The following VANGL2 variants were observed in gnomAD, a reference collection of about 807,000 sequenced individuals.
VANGL2 encodes the protein VANGL planar cell polarity protein 2.
VANGL2 carries 14 observed loss-of-function variants against 50.2 expected under a neutral mutation model. The ratio of observed to expected loss-of-function variants is 0.28; its 90% CI spans 0.18 to 0.44. VANGL2 has a LOEUF of 0.44. Among genes scored for constraint, VANGL2 ranks in the 20% least tolerant of loss-of-function variants. The pLI, the probability that VANGL2 is intolerant of heterozygous loss-of-function variation, is 1.00. For synonymous variants in VANGL2, 295 were observed against 297.2 expected, an observed-to-expected ratio of 0.99 and a Z score of 0.08; for missense variants, 533 against 701.5, an observed-to-expected ratio of 0.76 and a Z score of 2.71.
rs563098860 is a variant in VANGL2, at chr1:160,400,840, C to A, written c.-220C>A. 6.6e-6 allele frequency: 1 copy of A among 151,814 alleles called. No homozygotes were observed. Among genetic ancestry groups the A allele is most frequent in the Admixed American group, 6.5e-5 (1 of 15,278 alleles). 9.4% of individuals were successfully genotyped at this position (151,814 alleles called of 1,614,324 possible). A position where few individuals can be genotyped will look rare whatever the true frequency, so the allele number is the denominator to read the frequency against. On this transcript the variant is annotated 5_prime_UTR_variant, in exon 1 of 8. Coordinates refer to ENST00000368061, the MANE Select transcript of VANGL2 (RefSeq NM_020335.3). ...GGCGACGGGCCGAGCGGGGCGCCCGCGGAGCCCACCCGGCAGTTCGCAGCG... is the reference window on the plus strand; with the variant it reads ...GGCGACGGGCCGAGCGGGGCGCCCGAGGAGCCCACCCGGCAGTTCGCAGCG...
intron 1 of VANGL2, among the ~76,000 whole-genome samples, chr1:160,412,654 G>A (rs1255148687): frequency 1.3e-5 from 2 of 152,126 alleles, no homozygotes; most frequent in African/African-American, 2.4e-5. Flanking sequence ...TCCTTATCAC[G>A]CACGTGCTTT....
Position 160,400,680 on chromosome 1 carries a change from G to A in VANGL2, c.-380G>A, listed in dbSNP as rs1650423434. On this transcript the variant is annotated 5_prime_UTR_variant, in exon 1 of 8. Coordinates refer to ENST00000368061, the MANE Select transcript of VANGL2 (RefSeq NM_020335.3). ...GGCCCCCAGCCCCCGGGGCCTTGAG[G>A]GGGAAGAGGCAGCGGTCTGGGACGG... is the stretch of plus-strand genomic sequence containing the variant. 6.6e-6 allele frequency: 1 copy of A among 152,366 alleles called. No individual in the cohort carries two copies. Among genetic ancestry groups the A allele is most frequent in the Non-Finnish European group, 1.5e-5 (1 of 68,222 alleles). The allele number at this position is 152,366 out of a possible 1,614,324, so 9.4% of individuals were successfully genotyped here.
intron 1 of VANGL2, among the ~76,000 whole-genome samples, chr1:160,401,920 G>T (rs1429029844): frequency 6.6e-6 from 1 of 152,048 alleles, no homozygotes; most frequent in Non-Finnish European, 1.5e-5. Context: ...GTGTGTGCCT[G>T]CCTTAGCTGG....
At chr1:160,420,939 G>A (rs1181304805) in intron 5 of VANGL2, 113 bp from the exon 6 acceptor site, 1 of 1,491,366 alleles carries the variant, frequency 6.7e-7, no homozygotes, top group Non-Finnish European at 9.2e-7. Context: ...GTATTGCTGG[G>A]TGGTGGGAAC....
Position 160,425,553 on chromosome 1 carries a change from G to A in VANGL2, c.*175G>A, listed in dbSNP as rs548291085. 1.1e-4 allele frequency: 78 copies of A among 688,346 alleles called. No individual in the cohort carries two copies. Among genetic ancestry groups the A allele is most frequent in the Non-Finnish European group, 1.8e-4 (76 of 421,138 alleles). The allele number at this position is 688,346 out of a possible 1,614,324, so 42.6% of individuals were successfully genotyped here. On this transcript the variant is annotated 3_prime_UTR_variant, in exon 8 of 8. Transcript: ENST00000368061. ...TCGCTTCTTCCTTATTTTACCCCAT[G>A]TGAACCTGGAGAGACCATCCTGCTG... is the stretch of plus-strand genomic sequence containing the variant.
At chr1:160,420,097 G>A (rs760106521) in intron 4 of VANGL2, among the ~76,000 whole-genome samples, 11 of 152,080 alleles carry the variant, frequency 7.2e-5, no homozygotes, top group Non-Finnish European at 1.5e-5. Flanking sequence ...GAATATCAGT[G>A]GCACGTCCTG....
At chr1:160,407,833 C>A (rs956336962) in intron 1 of VANGL2, among the ~76,000 whole-genome samples, 13 of 152,210 alleles carry the variant, frequency 8.5e-5, no homozygotes, top group Admixed American at 4.6e-4. Context: ...CAGTTCTCTG[C>A]CTAGGCCAAG....
chr1:160,423,081 T>C (rs1385595872), intron 6 of VANGL2, among the ~76,000 whole-genome samples: 4 of 152,114 alleles, frequency 2.6e-5, no homozygotes, highest in Admixed American at 2.6e-4. Context: ...AATTTTTGTA[T>C]TTTTAGTAAA....
In VANGL2 at chr1:160,415,818, A is replaced by G. The variant is rs1198218286; in HGVS notation, c.-20A>G. On this transcript the variant is annotated 5_prime_UTR_variant, in exon 2 of 8. Coordinates refer to ENST00000368061, the MANE Select transcript of VANGL2 (RefSeq NM_020335.3). ...CAGCCTGCGGCCCTGGAGCGCTACA[A>G]GGCGCGGCGTTCAGACGCCATGGAC... 1 of 1,610,126 alleles carries G rather than the reference A, an allele frequency of 6.2e-7. No homozygotes were observed. Among genetic ancestry groups the G allele is most frequent in the Admixed American group, 1.7e-5 (1 of 59,274 alleles).
intron 1 of VANGL2, among the ~76,000 whole-genome samples, chr1:160,413,992 C>T (rs771156713): frequency 3.9e-5 from 6 of 152,204 alleles, no homozygotes; most frequent in Non-Finnish European, 7.3e-5. Flanking sequence ...CCATCTGCTC[C>T]CTTGCTCAGG....
intron 1 of VANGL2, among the ~76,000 whole-genome samples, chr1:160,405,695 C>T (rs1456340020): frequency 6.6e-6 from 1 of 151,984 alleles, no homozygotes; most frequent in Non-Finnish European, 1.5e-5. Flanking sequence ...TCCCCTGCCG[C>T]TCCACACACA....
rs78083675 is a variant in VANGL2 at position 160,412,829 on chromosome 1, G to A, written c.-190-2819G>A. The stretch of plus-strand genomic sequence containing the variant: ...TACAGTCATGGATGTTTTGGTCAAC[G>A]ATGGACCACATATATGATGGTGGTC... On this transcript the variant is annotated intron_variant, in intron 1 of 7. Coordinates refer to ENST00000368061, the MANE Select transcript of VANGL2 (RefSeq NM_020335.3). Among the ~76,000 whole-genome samples, 402 of 152,284 alleles carry A rather than the reference G, an allele frequency of 2.6e-3. 6 individuals are homozygous for A. Among genetic ancestry groups the A allele is most frequent in the Admixed American group, 0.019 (289 of 15,304 alleles).
At chr1:160,421,430 C>T (rs1382798019) in intron 6 of VANGL2, among the ~76,000 whole-genome samples, 1 of 152,176 alleles carries the variant, frequency 6.6e-6, no homozygotes, top group Admixed American at 6.5e-5. Context: ...GTGCTCAGGC[C>T]TCACAGGCTG....
At chr1:160,410,118 C>A (rs142675403) in intron 1 of VANGL2, among the ~76,000 whole-genome samples, 195 of 152,278 alleles carry the variant, frequency 1.3e-3, no homozygotes, top group African/African-American at 4.5e-3. Context: ...GGCAGAACCA[C>A]CCTTCCCTAG....
chr1:160,420,576 C>T (rs760260287), intron 5 of VANGL2, 29 bp downstream of exon 5: 3 of 1,614,018 alleles, frequency 1.9e-6, no homozygotes, highest in Non-Finnish European at 2.5e-6. Flanking sequence ...CTGCCCTTCC[C>T]TGTCTCTTCC....
At chr1:160,424,792 GGGAA>G (rs1651394895) in intron 7 of VANGL2, among the ~76,000 whole-genome samples, 1 of 152,152 alleles carries the variant, frequency 6.6e-6, no homozygotes, top group Admixed American at 6.5e-5. Flanking sequence ...CAAGCTGTGT[GGGAA>G]GGAAGGAAGA....
rs944345568 is a variant in VANGL2, at chr1:160,426,160, G to A, written c.*782G>A. The A allele has an allele frequency of 4.6e-5, 7 of 152,254 alleles. No individual in the cohort carries two copies. Among genetic ancestry groups the A allele is most frequent in the Non-Finnish European group, 7.3e-5 (5 of 68,064 alleles). The allele number at this position is 152,254 out of a possible 1,614,324, so 9.4% of individuals were successfully genotyped here. A position where few individuals can be genotyped will look rare whatever the true frequency, so the allele number is the denominator to read the frequency against. On this transcript the variant is annotated 3_prime_UTR_variant, in exon 8 of 8. Coordinates refer to ENST00000368061, the MANE Select transcript of VANGL2 (RefSeq NM_020335.3). ...TCCTAGGCAGCCCCTGAGGAGGAGG[G>A]CTGAATAGATCCCTGAGGTTTTGGA...
intron 1 of VANGL2, among the ~76,000 whole-genome samples, chr1:160,414,176 A>G (rs900046546): frequency 2.0e-5 from 3 of 152,008 alleles, no homozygotes; most frequent in African/African-American, 7.3e-5. Context: ...CCTCTTTTCA[A>G]TCCATATCTG....
intron 1 of VANGL2, among the ~76,000 whole-genome samples, chr1:160,403,003 G>T (rs1292806334): frequency 6.6e-6 from 1 of 152,040 alleles, no homozygotes; most frequent in Non-Finnish European, 1.5e-5. Context: ...GTCTCTAATG[G>T]GCATGTGCAA....
Sources: allele counts gnomAD v4.1 joint callset (sites outside exome capture counted in the v4.1 genomes callset), GRCh38; gene constraint gnomAD v4.1.1; transcripts MANE v1.5; gene names NCBI Gene and HGNC (gene_info 2026-07-23, HGNC 2026-07-21).